CLDN18: variants seen among roughly 807,000 people sequenced by gnomAD.
CLDN18 encodes claudin-18.
A neutral mutation model predicts 25.0 loss-of-function variants in CLDN18; 20 were observed. That is an observed-to-expected ratio of 0.80 (90% CI 0.56 to 1.16). The LOEUF (loss-of-function observed/expected upper bound fraction) is 1.16, where lower values mean the gene tolerates loss of function less well. Among genes scored for constraint, CLDN18 ranks in the 50% most tolerant of loss-of-function variants. The pLI, the probability that CLDN18 is intolerant of heterozygous loss-of-function variation, is 0.00. For synonymous variants in CLDN18, 125 were observed against 135.6 expected, an observed-to-expected ratio of 0.92 and a Z score of 0.54; for missense variants, 297 against 345.4, an observed-to-expected ratio of 0.86 and a Z score of 1.11.
At chr3:138,016,831 A>G (rs993626127) in intron 1 of CLDN18, among the ~76,000 whole-genome samples, 3 of 152,150 alleles carry the variant, frequency 2.0e-5, no homozygotes, top group Admixed American at 2.0e-4. Flanking sequence ...AGGCGGGTGA[A>G]TCACCTAAGG....
At chr3:138,004,097 C>G (rs1942044246) in intron 1 of CLDN18, among the ~76,000 whole-genome samples, 1 of 152,044 alleles carries the variant, frequency 6.6e-6, no homozygotes, top group Middle Eastern at 3.2e-3. Flanking sequence ...TCACTTGAAC[C>G]CTGGAGGTGG....
chr3:138,020,157 A>G (rs962918086), intron 1 of CLDN18, among the ~76,000 whole-genome samples: 1 of 152,150 alleles, frequency 6.6e-6, no homozygotes, highest in African/African-American at 2.4e-5. Context: ...TACCACCATG[A>G]ATCTCCGTGG....
At chr3:138,005,445 G>A (rs1190802445), upstream of CLDN18, among the ~76,000 whole-genome samples, 1 of 150,982 alleles carries the variant, frequency 6.6e-6, no homozygotes, top group African/African-American at 2.4e-5. Context: ...GTGCCCATAT[G>A]TTCTCATTGT....
upstream of CLDN18, among the ~76,000 whole-genome samples, chr3:138,006,811 C>A (rs1041624324): frequency 3.3e-5 from 5 of 152,182 alleles, no homozygotes; most frequent in Middle Eastern, 6.8e-3. Flanking sequence ...CAGTATTCTG[C>A]CTAGGTAGAG....
rs769881298 is a variant in CLDN18, at chr3:138,010,421, T to G, written c.196T>G (p.Tyr66Asp). The G allele has an allele frequency of 4.3e-6, 7 of 1,614,142 alleles. No homozygotes were observed. In the South Asian group the frequency reaches 7.7e-5, roughly 18 times the overall value. ...QSSGFTECRP[Y>D]FTILGLPAML... Reference sequence around the variant, plus strand: ...TTCAGGCTTCACCGAATGCAGGCCCTATTTCACCATCCTGGGACTTCCAGG... The same window carrying G: ...TTCAGGCTTCACCGAATGCAGGCCCGATTTCACCATCCTGGGACTTCCAGG... Residue 66 changes from tyrosine (Y) to aspartate (D), a missense_variant, in exon 1 of 5, where the codon TAT becomes GAT. Coordinates refer to ENST00000183605, the MANE Select transcript of CLDN18 (RefSeq NM_016369.4).
chr3:138,010,146 T>C, upstream of CLDN18: 1 of 1,531,980 alleles, frequency 6.5e-7, no homozygotes, highest in East Asian at 2.4e-5. Flanking sequence ...AGAGCTCCCC[T>C]CAGGAGCGCG....
intron 1 of CLDN18, among the ~76,000 whole-genome samples, chr3:138,022,162 A>G (rs1454629640): frequency 6.6e-6 from 1 of 152,032 alleles, no homozygotes; most frequent in Non-Finnish European, 1.5e-5. Flanking sequence ...AGCATCTTAC[A>G]CTTTCAGCCC....
chr3:137,999,356 T>A (rs968997644), intron 1 of CLDN18, among the ~76,000 whole-genome samples: 2 of 152,170 alleles, frequency 1.3e-5, no homozygotes, highest in African/African-American at 4.8e-5. Context: ...ATAACTCCTA[T>A]GTGAGCAATG....
At position 138,012,802 on chromosome 3, in the gene CLDN18, A is replaced by G. The variant is rs575200162; in HGVS notation, c.220+2357A>G. 5.9e-5 allele frequency among the ~76,000 whole-genome samples: 9 copies of G among 152,360 alleles called. No homozygotes were observed. In the South Asian group the frequency reaches 1.2e-3, roughly 21 times the overall value. The stretch of plus-strand genomic sequence containing the variant: ...GCAGAGGGGACAGGCATGTGTGTGA[A>G]TATCAAAGCAAAGGCAACACATGTC... On this transcript the variant is annotated intron_variant, in intron 1 of 4. Coordinates refer to ENST00000183605, the MANE Select transcript of CLDN18 (RefSeq NM_016369.4).
rs764350012 is a variant in CLDN18 at position 138,031,014 on chromosome 3, A to G, written c.659A>G (p.Tyr220Cys). The G allele has an allele frequency of 6.2e-7, 1 of 1,614,082 alleles. No individual in the cohort carries two copies. Among genetic ancestry groups the G allele is most frequent in the South Asian group, 1.1e-5 (1 of 91,080 alleles). Residue 220 changes from tyrosine (Y) to cysteine (C), a missense_variant, in exon 5 of 5, where the codon TAC becomes TGC. By Grantham distance (194) the Tyr-to-Cys change is radical (BLOSUM62 -2). Transcript: ENST00000183605. ...SYHASGHSVA[Y>C]KPGGFKASTG... ...CATGCCTCAGGCCACAGTGTTGCCT[A>G]CAAGCCTGGAGGCTTCAAGGCCAGC...
chr3:138,023,478 G>T (rs1942291936), intron 1 of CLDN18, among the ~76,000 whole-genome samples, 180 bp from the exon 2 acceptor site: 1 of 152,186 alleles, frequency 6.6e-6, no homozygotes, highest in Non-Finnish European at 1.5e-5. Flanking sequence ...AATGTATTTT[G>T]TATTTCCCAC....
At chr3:138,024,579 C>G in intron 2 of CLDN18, 28 bp from the exon 3 acceptor site, 1 of 1,381,486 alleles carries the variant, frequency 7.2e-7, no homozygotes, top group Non-Finnish European at 1.0e-6. Flanking sequence ...GAAACTAACT[C>G]TGGAGTTTTC....
chr3:138,024,529 C>T, intron 2 of CLDN18, 78 bp from the exon 3 acceptor site: 1 of 825,908 alleles, frequency 1.2e-6, no homozygotes, highest in Non-Finnish European at 2.1e-6. Context: ...CATCTAAACT[C>T]ATCTAGGCAT....
chr3:138,023,377 C>A (rs543224737), intron 1 of CLDN18, among the ~76,000 whole-genome samples: 1 of 152,196 alleles, frequency 6.6e-6, no homozygotes, highest in South Asian at 2.1e-4. Flanking sequence ...TAGATACAAT[C>A]CAAGGGCCCC....
intron 3 of CLDN18, among the ~76,000 whole-genome samples, chr3:138,026,270 G>A (rs966176624): frequency 6.6e-6 from 1 of 152,234 alleles, no homozygotes; most frequent in Non-Finnish European, 1.5e-5. Flanking sequence ...CAAACTGCCT[G>A]CCCTCACACT....
intron 3 of CLDN18, among the ~76,000 whole-genome samples, chr3:138,027,609 G>A (rs1337034289): frequency 2.0e-5 from 3 of 152,162 alleles, no homozygotes; most frequent in Non-Finnish European, 4.4e-5. Context: ...TATCACAGTG[G>A]CTATTGGGAG....
chr3:137,999,864 G>C (rs1454356456), intron 1 of CLDN18, among the ~76,000 whole-genome samples: 1 of 152,208 alleles, frequency 6.6e-6, no homozygotes, highest in African/African-American at 2.4e-5. Flanking sequence ...CACAAGAGTA[G>C]AGAATGTTAA....
chr3:138,025,091 C>A (rs1038735403), intron 3 of CLDN18, among the ~76,000 whole-genome samples: 3 of 152,186 alleles, frequency 2.0e-5, no homozygotes, highest in African/African-American at 7.2e-5. Flanking sequence ...TGGCTAGGAA[C>A]AGGGAAACGT....
chr3:138,027,892 C>T (rs913832133), intron 3 of CLDN18, among the ~76,000 whole-genome samples: 4 of 152,158 alleles, frequency 2.6e-5, no homozygotes, highest in African/African-American at 7.2e-5. Flanking sequence ...GCTCTTCATG[C>T]CAAGGCAGAA....
Sources: gnomAD v4.1 joint callset for allele counts (sites outside exome capture counted in the v4.1 genomes callset) on GRCh38, gnomAD v4.1.1 for gene constraint, MANE v1.5 for transcripts, NCBI Gene and HGNC (gene_info 2026-07-23, HGNC 2026-07-21) for gene names.